The following FOCAD variants were observed in gnomAD, a reference collection of about 807,000 sequenced individuals.
FOCAD encodes the protein KIAA1797.
A neutral mutation model predicts 225.6 loss-of-function variants in FOCAD; 198 were observed. That is an observed-to-expected ratio of 0.88 (90% CI 0.78 to 0.99). The LOEUF is 0.99. Ranked by LOEUF, FOCAD falls within the 50% of genes least tolerant of loss-of-function variation. The pLI is 0.00. For missense variants in FOCAD, 2,713 were observed against 2,123.6 expected (o/e 1.28, Z -5.46); for synonymous variants, 897 against 755.0 (o/e 1.19, Z -3.08).
chr9:20,779,674 C>T (rs1386581507), intron 9 of FOCAD, among the ~76,000 whole-genome samples: 1 of 151,972 alleles, frequency 6.6e-6, no homozygotes. Flanking sequence ...CACCTGAACC[C>T]CGGAGGCAGA....
intron 5 of FOCAD, among the ~76,000 whole-genome samples, chr9:20,749,342 T>C (rs1828342455): frequency 6.6e-6 from 1 of 152,192 alleles, no homozygotes; most frequent in East Asian, 1.9e-4. Context: ...TCGAAGTCTT[T>C]CTAGGAGCTT....
chr9:20,967,831 A>G (rs1186280296), intron 35 of FOCAD, among the ~76,000 whole-genome samples: 1 of 152,066 alleles, frequency 6.6e-6, no homozygotes, highest in Admixed American at 6.6e-5. Flanking sequence ...ATCGTGTTTG[A>G]TCACAGTATA....
At chr9:20,931,374 G>A (rs1480161832) in intron 27 of FOCAD, among the ~76,000 whole-genome samples, 1 of 152,148 alleles carries the variant, frequency 6.6e-6, no homozygotes, top group Non-Finnish European at 1.5e-5. Context: ...CTGTGTGTTA[G>A]TAATGCCATT....
chr9:20,933,117 A>G lies in FOCAD; in HGVS notation c.3407+14A>G. 6.3e-7 allele frequency: 1 copy of G among 1,592,310 alleles called. No homozygotes were observed. Among genetic ancestry groups the G allele is most frequent in the Non-Finnish European group, 8.6e-7 (1 of 1,160,574 alleles). ...TCTTGAATACAAGTATGTTGTTCCT[A>G]TTTCCACTCTCACAGGTACTTAGAC... On this transcript the variant is annotated intron_variant, in intron 28 of 43. Transcript: ENST00000338382.
chr9:20,873,891 T>C (rs1357713682), intron 18 of FOCAD: 1 of 152,160 alleles, frequency 6.6e-6, no homozygotes, highest in Non-Finnish European at 1.5e-5. Context: ...ACCACTTTTA[T>C]ATATTTTGAT....
At chr9:20,725,773 T>C (rs1826149543) in intron 4 of FOCAD, among the ~76,000 whole-genome samples, 1 of 152,198 alleles carries the variant, frequency 6.6e-6, no homozygotes, top group African/African-American at 2.4e-5. Context: ...GATCTGGTTG[T>C]CTAAACTTCA....
rs146105783 is a variant in FOCAD, at chr9:20,687,228, T to C, written c.-33+2935T>C. On this transcript the variant is annotated intron_variant, in intron 1 of 43. Transcript: ENST00000338382. ...TTGAGAATCCAACTTGCATAGATAG[T>C]CAGTTTATTACTATTATTTAAAGAT... Among the ~76,000 whole-genome samples, 15 of 152,312 alleles carry C rather than the reference T, an allele frequency of 9.8e-5. No homozygotes were observed. In the East Asian group the frequency reaches 2.9e-3, roughly 29 times the overall value.
intron 11 of FOCAD, among the ~76,000 whole-genome samples, chr9:20,793,948 G>T (rs745643966): frequency 6.6e-6 from 1 of 152,138 alleles, no homozygotes; most frequent in Non-Finnish European, 1.5e-5. Flanking sequence ...TACTTGTACC[G>T]TGGCCAGACA....
At chr9:20,840,431 C>CATTTTATTTTATTTTATTTT (rs71334558) in intron 15 of FOCAD, among the ~76,000 whole-genome samples, 1 of 148,144 alleles carries the variant, frequency 6.8e-6, no homozygotes, top group Non-Finnish European at 1.5e-5. Context: ...AGAGGTATAT[C>CATTTTATTTTATTTTATTTT]ATTTTATTTT....
chr9:20,749,922 T>C (rs1301919253), intron 5 of FOCAD, among the ~76,000 whole-genome samples: 1 of 152,206 alleles, frequency 6.6e-6, no homozygotes, highest in Admixed American at 6.5e-5. Flanking sequence ...TTACAGATTT[T>C]ATCATTGCCT....
intron 39 of FOCAD, among the ~76,000 whole-genome samples, chr9:20,985,658 G>C (rs1841087859): frequency 6.6e-6 from 1 of 152,008 alleles, no homozygotes; most frequent in Non-Finnish European, 1.5e-5. Flanking sequence ...ATCATACCTG[G>C]GTATGCAGCA....
chr9:20,663,226 A>G (rs1821787368), intron 2 of FOCAD, among the ~76,000 whole-genome samples: 2 of 152,044 alleles, frequency 1.3e-5, no homozygotes, highest in African/African-American at 4.8e-5. Flanking sequence ...CTCTACAAAA[A>G]AATAAAAAAC....
intron 11 of FOCAD, among the ~76,000 whole-genome samples, chr9:20,813,706 G>A (rs568905445): frequency 6.6e-6 from 1 of 152,266 alleles, no homozygotes; most frequent in Admixed American, 6.5e-5. Context: ...TGCTGTTGCT[G>A]TTGGGTAGAA....
intron 8 of FOCAD, among the ~76,000 whole-genome samples, chr9:20,770,886 C>T (rs149920291): frequency 2.0e-5 from 3 of 151,958 alleles, no homozygotes; most frequent in Admixed American, 6.6e-5. Flanking sequence ...TTCATTTATT[C>T]ATGCAGAACA....
At chr9:20,890,373 T>C (rs1314271353) in intron 21 of FOCAD, among the ~76,000 whole-genome samples, 4 of 151,392 alleles carry the variant, frequency 2.6e-5, no homozygotes, top group Non-Finnish European at 5.9e-5. Flanking sequence ...CTGAGAGGTT[T>C]TTTTTTTTTT....
At chr9:20,754,583 T>C (rs915698663) in intron 5 of FOCAD, among the ~76,000 whole-genome samples, 2 of 151,826 alleles carry the variant, frequency 1.3e-5, no homozygotes, top group African/African-American at 4.8e-5. Context: ...ACTGGTGCAA[T>C]GCTTTCTTCG....
chr9:20,909,212 A>G (rs1833233093), intron 22 of FOCAD, among the ~76,000 whole-genome samples: 2 of 152,068 alleles, frequency 1.3e-5, no homozygotes. Flanking sequence ...TACTTAACAT[A>G]TATTATTTCA....
intron 9 of FOCAD, among the ~76,000 whole-genome samples, chr9:20,779,293 C>G (rs555884592): frequency 1.4e-4 from 21 of 152,292 alleles, no homozygotes; most frequent in Admixed American, 3.3e-4. Flanking sequence ...GCTAGTTGCC[C>G]TATCGGGCAA....
intron 21 of FOCAD, among the ~76,000 whole-genome samples, chr9:20,887,106 G>T (rs1392333573): frequency 6.6e-5 from 10 of 152,116 alleles, no homozygotes; most frequent in African/African-American, 2.4e-4. Flanking sequence ...CTTGCATCTT[G>T]TCTTTCTTTT....
Sources: allele counts gnomAD v4.1 joint callset (sites outside exome capture counted in the v4.1 genomes callset), GRCh38; gene constraint gnomAD v4.1.1; transcripts MANE v1.5; gene names NCBI Gene and HGNC (gene_info 2026-07-23, HGNC 2026-07-21).